TM9SF4: variants seen among roughly 807,000 people sequenced by gnomAD.
The protein encoded by TM9SF4 is transmembrane 9 superfamily member 4.
A neutral mutation model predicts 90.4 loss-of-function variants in TM9SF4; 26 were observed. The ratio of observed to expected loss-of-function variants is 0.29; its 90% confidence interval spans 0.21 to 0.40. The LOEUF is 0.40. Among genes scored for constraint, TM9SF4 ranks in the 10% least tolerant of loss-of-function variants. TM9SF4 has a pLI of 1.00. For missense variants in TM9SF4, 549 were observed against 834.8 expected (o/e 0.66, Z 4.22); for synonymous variants, 293 against 315.4 (o/e 0.93, Z 0.75).
At position 32,141,793 on chromosome 20, in the gene TM9SF4, C is replaced by G. The variant is rs200298758; in HGVS notation, c.426C>G (p.Thr142=). The part of the protein sequence containing the change: ...HLIADNLPVA[T]RLELYSNRDS... ...TTGCTGACAACCTGCCTGTGGCCACCCGGCTGGAGCTCTACTCCAACCGAG... is the reference window on the plus strand; with the variant it reads ...TTGCTGACAACCTGCCTGTGGCCACGCGGCTGGAGCTCTACTCCAACCGAG... Residue 142 remains threonine, a synonymous_variant, in exon 5 of 18, where the codon ACC becomes ACG. Transcript: ENST00000398022. The G allele has an allele frequency of 3.1e-6, 5 of 1,614,062 alleles. No individual in the cohort carries two copies. Among genetic ancestry groups the G allele is most frequent in the East Asian group, 4.5e-5 (2 of 44,874 alleles).
rs1250569171 is a variant in TM9SF4 at position 32,145,125 on chromosome 20, G to A, written c.687G>A (p.Leu229=). The A allele has an allele frequency of 6.2e-6, 10 of 1,614,024 alleles. No homozygotes were observed. The highest frequency in any genetic ancestry group is 8.5e-6 in the Non-Finnish European group (10 of 1,180,052). Residue 229 remains leucine (L), a synonymous_variant, in exon 7 of 18, where the codon CTG becomes CTA. Transcript: ENST00000398022. The part of the protein sequence containing the change: ...LKADEKSSCT[L]PEGTNSSPQE... The stretch of plus-strand genomic sequence containing the variant: ...CAGATGAGAAGAGTTCGTGCACTCT[G>A]CCTGAGGGTACCAACTCCTCGCCCC...
At chr20:32,137,646 T>C (rs940054439) in intron 3 of TM9SF4, among the ~76,000 whole-genome samples, 2 of 152,160 alleles carry the variant, frequency 1.3e-5, no homozygotes, top group Non-Finnish European at 2.9e-5. Context: ...CATTCGATAA[T>C]TGTTAGTGTT....
chr20:32,137,316 C>A (rs2046609056), intron 3 of TM9SF4, among the ~76,000 whole-genome samples: 1 of 152,174 alleles, frequency 6.6e-6, no homozygotes, highest in Admixed American at 6.5e-5. Context: ...GATATCAGGC[C>A]CCTCACAAAT....
rs573651699 is a variant in TM9SF4, at chr20:32,143,161, C to T, written c.652+56C>T. Reference sequence around the variant, plus strand: ...GGCTGGATGGGCCTGGGCTTCTCCACGCAGGGTCTTCGCACTCTTCTCCCT... The same window carrying T: ...GGCTGGATGGGCCTGGGCTTCTCCATGCAGGGTCTTCGCACTCTTCTCCCT... On this transcript the variant is annotated intron_variant, in intron 6 of 17. Transcript: ENST00000398022. The T allele has an allele frequency of 9.2e-5, 147 of 1,594,624 alleles. 1 individual carries two copies. The highest frequency in any genetic ancestry group is 4.3e-4 in the East Asian group (19 of 44,172).
intron 16 of TM9SF4, 91 bp from the exon 17 acceptor site, chr20:32,161,185 C>A: frequency 1.9e-6 from 2 of 1,037,444 alleles, no homozygotes; most frequent in South Asian, 2.6e-5. Flanking sequence ...ACTGCTCTTA[C>A]CAGAGTCTTC....
At chr20:32,115,274 T>C (rs949703064) in intron 1 of TM9SF4, among the ~76,000 whole-genome samples, 1 of 152,134 alleles carries the variant, frequency 6.6e-6, no homozygotes, top group Non-Finnish European at 1.5e-5. Context: ...TAGTTTCTGT[T>C]TTACAACTTG....
intron 12 of TM9SF4, among the ~76,000 whole-genome samples, chr20:32,152,634 A>G (rs1216848393): frequency 6.6e-6 from 1 of 152,008 alleles, no homozygotes; most frequent in Admixed American, 6.6e-5. Context: ...ACAGGGGGTC[A>G]TCTCCAACAG....
intron 5 of TM9SF4, among the ~76,000 whole-genome samples, chr20:32,142,618 G>T (rs2046697917): frequency 6.6e-6 from 1 of 152,166 alleles, no homozygotes; most frequent in Admixed American, 6.5e-5. Flanking sequence ...GCCATGAGAA[G>T]TTGGTGGGCT....
chr20:32,143,691 C>T (rs80218746), intron 6 of TM9SF4, among the ~76,000 whole-genome samples: 1 of 151,834 alleles, frequency 6.6e-6, no homozygotes, highest in Non-Finnish European at 1.5e-5. Flanking sequence ...AATTAAGCAG[C>T]ATGCCCAGGA....
At chr20:32,114,106 T>C (rs1013056016) in intron 1 of TM9SF4, among the ~76,000 whole-genome samples, 20 of 152,234 alleles carry the variant, frequency 1.3e-4, no homozygotes, top group Non-Finnish European at 2.4e-4. Flanking sequence ...GGTATAATGC[T>C]GCTGTGAACA....
At position 32,121,939 on chromosome 20, in the gene TM9SF4, C is replaced by G. The variant is rs543712542; in HGVS notation, c.16-11074C>G. ...CTGGCCGGGCGGGGGGCTGACCCCC[C>G]CCAGCTCCCTCCCGGACGGGGCGGC... On this transcript the variant is annotated intron_variant, in intron 1 of 17. Coordinates refer to ENST00000398022, the MANE Select transcript of TM9SF4 (RefSeq NM_014742.4). Among the ~76,000 whole-genome samples the G allele has an allele frequency of 2.8e-3, 410 of 145,044 alleles. 3 individuals are homozygous for G. Among genetic ancestry groups the G allele is most frequent in the Middle Eastern group, 7.4e-3 (2 of 270 alleles).
chr20:32,149,630 G>T lies in TM9SF4; in HGVS notation c.955-4G>T. ...ACCAGCCTCACTCTGGCCCTTCGCT[G>T]CAGGAAGACACCATGGAGGAGTCTG... On this transcript the variant is annotated splice_polypyrimidine_tract_variant and splice_region_variant and intron_variant, in intron 9 of 17. Coordinates refer to ENST00000398022, the MANE Select transcript of TM9SF4 (RefSeq NM_014742.4). 1 of 1,614,188 alleles carries T rather than the reference G, an allele frequency of 6.2e-7. No homozygotes were observed. The highest frequency in any genetic ancestry group is 1.1e-5 in the South Asian group (1 of 91,086).
chr20:32,142,456 C>T (rs1345595732), intron 5 of TM9SF4, among the ~76,000 whole-genome samples: 2 of 152,168 alleles, frequency 1.3e-5, no homozygotes, highest in Non-Finnish European at 2.9e-5. Flanking sequence ...GAGGTGCAGC[C>T]CCTGTCCCCA....
chr20:32,153,893 C>T (rs2046879372), intron 12 of TM9SF4, among the ~76,000 whole-genome samples: 1 of 152,296 alleles, frequency 6.6e-6, no homozygotes, highest in Non-Finnish European at 1.5e-5. Flanking sequence ...AGACTGCCTG[C>T]GTTTATACCT....
intron 10 of TM9SF4, 64 bp from the exon 11 acceptor site, chr20:32,150,558 G>T (rs1878278046): frequency 6.2e-7 from 1 of 1,601,342 alleles, no homozygotes. Flanking sequence ...TGGGGCTGGG[G>T]CTAGAGGCCT....
At chr20:32,140,600 T>C (rs534506647) in intron 3 of TM9SF4, among the ~76,000 whole-genome samples, 1 of 152,308 alleles carries the variant, frequency 6.6e-6, no homozygotes, top group Non-Finnish European at 1.5e-5. Flanking sequence ...CTTTATTGGA[T>C]TGACTTCCTT....
intron 1 of TM9SF4, among the ~76,000 whole-genome samples, chr20:32,131,018 A>G (rs1217798382): frequency 1.3e-5 from 2 of 152,194 alleles, no homozygotes; most frequent in African/African-American, 4.8e-5. Context: ...GTTCTTTTAA[A>G]AAAAAATGAC....
chr20:32,130,807 A>G (rs190008284), intron 1 of TM9SF4, among the ~76,000 whole-genome samples: 59 of 152,340 alleles, frequency 3.9e-4, no homozygotes, highest in African/African-American at 1.4e-3. Context: ...TTTTCATGGC[A>G]TACCCATTTG....
At chr20:32,112,732 C>A (rs1045972927) in intron 1 of TM9SF4, among the ~76,000 whole-genome samples, 1 of 150,760 alleles carries the variant, frequency 6.6e-6, no homozygotes, top group African/African-American at 2.4e-5. Flanking sequence ...CACACCACCA[C>A]CAACAAAACC....
Sources: allele counts gnomAD v4.1 joint callset (sites outside exome capture counted in the v4.1 genomes callset), GRCh38; gene constraint gnomAD v4.1.1; transcripts MANE v1.5; gene names NCBI Gene and HGNC (gene_info 2026-07-23, HGNC 2026-07-21).